Variants in AHCTF1 observed in about 807,000 individuals in gnomAD.
AHCTF1 encodes the protein AT-hook containing transcription factor 1.
In AHCTF1, 24 loss-of-function variants were observed where a neutral mutation model predicts 248.4. That is an observed-to-expected ratio of 0.10 (90% CI 0.07 to 0.14). AHCTF1 has a LOEUF of 0.14. Ranked by LOEUF, AHCTF1 falls within the 10% of genes least tolerant of loss-of-function variation. AHCTF1 has a pLI of 1.00. For synonymous variants in AHCTF1, 786 were observed against 929.8 expected (o/e 0.85, Z 2.81); for missense variants, 2,206 against 2,636.2 (o/e 0.84, Z 3.57).
At chr1:246,906,685 T>G (rs1359786461) in intron 5 of AHCTF1, among the ~76,000 whole-genome samples, 1 of 152,070 alleles carries the variant, frequency 6.6e-6, no homozygotes, top group Admixed American at 6.6e-5. Context: ...CCAGTATGCC[T>G]CAGGAAAAAT....
chr1:246,855,654 T>C (rs1661060282), intron 31 of AHCTF1, 76 bp downstream of exon 31: 1 of 1,145,180 alleles, frequency 8.7e-7, no homozygotes, highest in South Asian at 1.4e-5. Flanking sequence ...ATAGATTATT[T>C]TGTTCTAAGA....
chr1:246,903,659 CCCCT>C (rs988070945), intron 7 of AHCTF1, among the ~76,000 whole-genome samples: 2 of 116,678 alleles, frequency 1.7e-5, no homozygotes, highest in Admixed American at 9.3e-5. Flanking sequence ...GAGACCCCCC[CCCCT>C]CCGTCTCTGC....
intron 1 of AHCTF1, chr1:246,931,268 C>T (rs1667338403): frequency 6.5e-7 from 1 of 1,548,918 alleles, no homozygotes; most frequent in Middle Eastern, 1.7e-4. Flanking sequence ...CCCCGGCCGT[C>T]CGTAAAGGGA....
At chr1:246,894,866 G>C (rs967953) in intron 13 of AHCTF1, 118 bp from the exon 14 acceptor site, 210 of 784,664 alleles carry the variant, frequency 2.7e-4, no homozygotes, top group Non-Finnish European at 4.1e-4. Flanking sequence ...CAACACTTCA[G>C]GGAGGCAACT....
At chr1:246,919,740 T>C (rs1666391933) in intron 1 of AHCTF1, among the ~76,000 whole-genome samples, 2 of 150,956 alleles carry the variant, frequency 1.3e-5, no homozygotes, top group Middle Eastern at 3.5e-3. Flanking sequence ...GAATTTATTA[T>C]CAAGTTATTT....
In AHCTF1 at chr1:246,900,186, T is replaced by C; in HGVS notation, c.1311A>G (p.Val437=). ...YFALWSLESV[V]SRTSPHGILD... The stretch of plus-strand genomic sequence containing the variant: ...AGATGCCATGTGGAGAAGTCCTACT[T>C]ACAACAGACTCCAATGACCACAGTG... The change falls in exon 10 of 36, where the codon GTA becomes GTG. Residue 437 remains valine, a synonymous_variant. Transcript: ENST00000648844. 1 of 1,608,284 alleles carries C rather than the reference T, an allele frequency of 6.2e-7. No individual in the cohort carries two copies. Among genetic ancestry groups the C allele is most frequent in the Non-Finnish European group, 8.5e-7 (1 of 1,178,428 alleles).
intron 8 of AHCTF1, 69 bp downstream of exon 8, chr1:246,902,456 A>T (rs781572081): frequency 6.3e-5 from 97 of 1,533,322 alleles, no homozygotes; most frequent in Middle Eastern, 2.4e-4. Flanking sequence ...TATGAAATCT[A>T]GAAAATAACA....
intron 1 of AHCTF1, among the ~76,000 whole-genome samples, chr1:246,929,578 C>T (rs1667182547): frequency 1.3e-5 from 2 of 152,008 alleles, no homozygotes; most frequent in Non-Finnish European, 2.9e-5. Context: ...GGATTGATGA[C>T]GATTCTGGAA....
At chr1:246,861,753 T>A (rs565701351) in intron 28 of AHCTF1, among the ~76,000 whole-genome samples, 11 of 152,374 alleles carry the variant, frequency 7.2e-5, no homozygotes, top group African/African-American at 2.6e-4. Context: ...GAGTCCTATT[T>A]ATCTGTAAGA....
intron 30 of AHCTF1, 36 bp downstream of exon 30, chr1:246,857,655 T>G: frequency 6.4e-7 from 1 of 1,572,674 alleles, no homozygotes. Context: ...TTAAACTTCT[T>G]TCTAAAAGTA....
intron 1 of AHCTF1, among the ~76,000 whole-genome samples, chr1:246,924,437 T>G (rs2103250555): frequency 6.6e-6 from 1 of 152,204 alleles, no homozygotes; most frequent in East Asian, 1.9e-4. Flanking sequence ...CAGTATGGCT[T>G]GGATTTCTTA....
intron 4 of AHCTF1, among the ~76,000 whole-genome samples, chr1:246,912,203 T>C (rs1301428227): frequency 6.6e-6 from 1 of 151,826 alleles, no homozygotes. Flanking sequence ...ATGTGCCGGG[T>C]GTGGTGGCTC....
chr1:246,908,609 C>T lies in AHCTF1; in HGVS notation c.557-851G>A, dbSNP rs373573414. Among the ~76,000 whole-genome samples the T allele has an allele frequency of 3.3e-5, 5 of 151,738 alleles. No individual in the cohort carries two copies. In the East Asian group the frequency reaches 5.8e-4, roughly 18 times the overall value. ...AGGGACTTATCCAAGAATCTTAGGC[C>T]GGGCACGGTGGCTCACGCCTGTAAT... On this transcript the variant is annotated intron_variant, in intron 4 of 35. Transcript: ENST00000648844.
chr1:246,868,243 C>G (rs930376986), intron 24 of AHCTF1, among the ~76,000 whole-genome samples: 2 of 151,974 alleles, frequency 1.3e-5, no homozygotes, highest in Non-Finnish European at 2.9e-5. Flanking sequence ...ATTTTCCTGC[C>G]TTAGCCTCCC....
chr1:246,886,811 T>G (rs1318867511), intron 20 of AHCTF1, among the ~76,000 whole-genome samples: 1 of 152,174 alleles, frequency 6.6e-6, no homozygotes, highest in Non-Finnish European at 1.5e-5. Flanking sequence ...TTTTAAAGAA[T>G]AAAAGCTTTA....
chr1:246,880,050 A>C (rs1038821025), intron 21 of AHCTF1, among the ~76,000 whole-genome samples: 1 of 152,120 alleles, frequency 6.6e-6, no homozygotes, highest in Non-Finnish European at 1.5e-5. Flanking sequence ...GAGAGGACAT[A>C]TAGGCATTTG....
At chr1:246,846,295 T>C (rs931608322) in intron 33 of AHCTF1, among the ~76,000 whole-genome samples, 2 of 151,686 alleles carry the variant, frequency 1.3e-5, no homozygotes, top group Non-Finnish European at 2.9e-5. Flanking sequence ...TGCATCCCTA[T>C]GTAAAAACGA....
chr1:246,861,656 A>C (rs1387701253), intron 28 of AHCTF1, among the ~76,000 whole-genome samples: 1 of 152,208 alleles, frequency 6.6e-6, no homozygotes, highest in Non-Finnish European at 1.5e-5. Flanking sequence ...AGATAAAAGA[A>C]GGACTAAAAA....
intron 25 of AHCTF1, 34 bp downstream of exon 25, chr1:246,867,627 G>A (rs1662080112): frequency 3.7e-6 from 6 of 1,603,156 alleles, no homozygotes; most frequent in East Asian, 2.2e-5. Flanking sequence ...AGATTAACAA[G>A]CAGCATGACT....
Sources: gnomAD v4.1 joint callset for allele counts (sites outside exome capture counted in the v4.1 genomes callset) on GRCh38, gnomAD v4.1.1 for gene constraint, MANE v1.5 for transcripts, NCBI Gene and HGNC (gene_info 2026-07-23, HGNC 2026-07-21) for gene names.